Variants in MAGI1 observed in about 807,000 individuals in gnomAD.
MAGI1 encodes membrane associated guanylate kinase, WW and PDZ domain containing 1, also known as membrane-associated guanylate kinase, WW and PDZ domain-containing protein 1.
A neutral mutation model predicts 139.9 loss-of-function variants in MAGI1; 58 were observed. The observed-to-expected ratio is 0.41, with a 90% CI of 0.34 to 0.52. The LOEUF (loss-of-function observed/expected upper bound fraction) is 0.52, where lower values mean the gene tolerates loss of function less well. Among genes scored for constraint, MAGI1 ranks in the 20% least tolerant of loss-of-function variants. MAGI1 has a pLI of 0.12. For synonymous variants in MAGI1, 812 were observed against 737.9 expected (o/e 1.10, Z -1.63); for missense variants, 1,874 against 1,901.6 (o/e 0.99, Z 0.27).
chr3:65,917,580 T>C (rs561118815), intron 1 of MAGI1, among the ~76,000 whole-genome samples: 1 of 152,178 alleles, frequency 6.6e-6, no homozygotes. Flanking sequence ...ATGGTACATC[T>C]AGACAAGGCA....
At chr3:65,866,572 A>G (rs1250547544) in intron 1 of MAGI1, among the ~76,000 whole-genome samples, 1 of 152,114 alleles carries the variant, frequency 6.6e-6, no homozygotes, top group Non-Finnish European at 1.5e-5. Flanking sequence ...ATGACAGACT[A>G]ACCTGTATAA....
intron 2 of MAGI1, among the ~76,000 whole-genome samples, chr3:65,546,889 T>C (rs993844003): frequency 6.6e-6 from 1 of 152,210 alleles, no homozygotes. Context: ...CACTAAGGTC[T>C]TCTAATTTCA....
chr3:65,663,039 T>G (rs910753698), intron 1 of MAGI1, among the ~76,000 whole-genome samples: 11 of 152,184 alleles, frequency 7.2e-5, no homozygotes, highest in Admixed American at 6.5e-4. Flanking sequence ...GAGGTACACC[T>G]ACCCATGCCT....
chr3:65,525,934 G>T (rs1473744648), intron 2 of MAGI1, among the ~76,000 whole-genome samples: 1 of 152,140 alleles, frequency 6.6e-6, no homozygotes, highest in Admixed American at 6.6e-5. Flanking sequence ...CTTTGCTGGG[G>T]ACTTCAGTAA....
At position 65,822,638 on chromosome 3, in the gene MAGI1, C is replaced by T. The variant is rs115768132; in HGVS notation, c.314-200550G>A. 5.4e-3 allele frequency among the ~76,000 whole-genome samples: 815 copies of T among 152,292 alleles called. 5 individuals carry two copies. The highest frequency in any genetic ancestry group is 0.019 in the African/African-American group (770 of 41,546). On this transcript the variant is annotated intron_variant, in intron 1 of 22. Coordinates refer to ENST00000402939, the MANE Select transcript of MAGI1 (RefSeq NM_001033057.2). ...ACAGTTCCACAGGGTGTACAGGAAG[C>T]ATGATGCTGGCATCTGCTGGGCTTC...
intron 1 of MAGI1, among the ~76,000 whole-genome samples, chr3:66,031,089 G>C (rs527770611): frequency 4.6e-5 from 7 of 152,338 alleles, no homozygotes; most frequent in African/African-American, 1.7e-4. Flanking sequence ...GCACCAGTGT[G>C]TACTAGGGAT....
chr3:65,649,759 G>A (rs1440599958), intron 1 of MAGI1, among the ~76,000 whole-genome samples: 2 of 152,148 alleles, frequency 1.3e-5, no homozygotes, highest in African/African-American at 4.8e-5. Flanking sequence ...ATGAAAAGAT[G>A]TCTAACATCA....
chr3:65,435,344 G>A (rs796931490), intron 10 of MAGI1, among the ~76,000 whole-genome samples: 8 of 152,140 alleles, frequency 5.3e-5, no homozygotes, highest in African/African-American at 1.4e-4. Context: ...GACAAATACC[G>A]TCTCAAGTCT....
chr3:65,407,450 A>G (rs1267309646), intron 12 of MAGI1, among the ~76,000 whole-genome samples: 1 of 151,460 alleles, frequency 6.6e-6, no homozygotes, highest in African/African-American at 2.4e-5. Context: ...CCGTCTCAAA[A>G]AAAAAAAAAA....
chr3:65,601,146 G>A (rs1017841814), intron 2 of MAGI1, among the ~76,000 whole-genome samples: 65 of 152,246 alleles, frequency 4.3e-4, no homozygotes, highest in African/African-American at 1.4e-3. Flanking sequence ...CCCTCTAAAT[G>A]CTTGCTCTGC....
In MAGI1 at chr3:65,795,744, T is replaced by G. The variant is rs570158743; in HGVS notation, c.314-173656A>C. The stretch of plus-strand genomic sequence containing the variant: ...ACACACACGGAGAGAGAGAGAGAGA[T>G]AGAGATTTAAGAAATTGGTCAGGCC... On this transcript the variant is annotated intron_variant, in intron 1 of 22. Transcript: ENST00000402939. Among the ~76,000 whole-genome samples the G allele has an allele frequency of 5.6e-3, 548 of 97,598 alleles. 3 individuals are homozygous for G. Among genetic ancestry groups the G allele is most frequent in the East Asian group, 0.02 (43 of 2,160 alleles). 64.0% of individuals were successfully genotyped at this position (97,598 alleles called of 152,430 possible).
chr3:65,477,779 G>A (rs1349917924), intron 4 of MAGI1, among the ~76,000 whole-genome samples: 3 of 150,474 alleles, frequency 2.0e-5, no homozygotes, highest in Non-Finnish European at 1.5e-5. Flanking sequence ...GAGTGCAGTG[G>A]TGCAATCTCG....
At chr3:65,590,431 T>G (rs2081917643) in intron 2 of MAGI1, among the ~76,000 whole-genome samples, 1 of 152,234 alleles carries the variant, frequency 6.6e-6, no homozygotes, top group African/African-American at 2.4e-5. Context: ...TGTATAACTG[T>G]AAAGAAATCT....
intron 1 of MAGI1, among the ~76,000 whole-genome samples, chr3:65,660,552 C>T (rs575892008): frequency 1.2e-3 from 176 of 152,280 alleles, no homozygotes; most frequent in African/African-American, 3.5e-3. Flanking sequence ...CTGAAATCAA[C>T]GCATTCAATG....
At chr3:65,505,492 T>A (rs1209989330) in intron 2 of MAGI1, among the ~76,000 whole-genome samples, 2 of 151,648 alleles carry the variant, frequency 1.3e-5, no homozygotes, top group Non-Finnish European at 2.9e-5. Context: ...AAAATTTTTT[T>A]AAATTAGCCA....
intron 1 of MAGI1, among the ~76,000 whole-genome samples, chr3:65,901,331 G>A (rs1307186652): frequency 6.6e-6 from 1 of 152,228 alleles, no homozygotes; most frequent in East Asian, 1.9e-4. Context: ...AAAGTGTATG[G>A]ATGACATTTC....
intron 1 of MAGI1, among the ~76,000 whole-genome samples, chr3:65,965,166 A>G (rs1433002406): frequency 6.6e-6 from 1 of 152,202 alleles, no homozygotes; most frequent in African/African-American, 2.4e-5. Context: ...TAAATGTTCC[A>G]TCTGCCCAGA....
chr3:65,440,861 A>G (rs1948261084), intron 8 of MAGI1, among the ~76,000 whole-genome samples: 1 of 150,954 alleles, frequency 6.6e-6, no homozygotes, highest in African/African-American at 2.4e-5. Flanking sequence ...GTATACATAT[A>G]TATGTATACA....
intron 2 of MAGI1, among the ~76,000 whole-genome samples, chr3:65,584,321 T>C (rs1255492810): frequency 6.6e-6 from 1 of 152,078 alleles, no homozygotes; most frequent in Non-Finnish European, 1.5e-5. Context: ...AGGGTCAGCT[T>C]ATAGGAACCC....
Sources: gnomAD v4.1 joint callset for allele counts (sites outside exome capture counted in the v4.1 genomes callset) on GRCh38, gnomAD v4.1.1 for gene constraint, MANE v1.5 for transcripts, NCBI Gene and HGNC (gene_info 2026-07-23, HGNC 2026-07-21) for gene names.